Variants in PRKG1 observed in about 807,000 individuals in gnomAD.
PRKG1 encodes the protein cGMP-dependent protein kinase 1.
In PRKG1, 35 loss-of-function variants were observed where a neutral mutation model predicts 88.1. The ratio of observed to expected loss-of-function variants is 0.40; its 90% confidence interval spans 0.30 to 0.53. The LOEUF is 0.53. Ranked by LOEUF, PRKG1 falls within the 20% of genes least tolerant of loss-of-function variation. The pLI is 0.59. For missense variants in PRKG1, 540 were observed against 839.8 expected (o/e 0.64, Z 4.41); for synonymous variants, 303 against 292.5 (o/e 1.04, Z -0.37).
chr10:52,235,579 A>C (rs1840660217), intron 9 of PRKG1, among the ~76,000 whole-genome samples: 1 of 140,970 alleles, frequency 7.1e-6, no homozygotes, highest in Non-Finnish European at 1.5e-5. Context: ...AGGCCATTAC[A>C]TAATGGTAAA....
intron 2 of PRKG1, among the ~76,000 whole-genome samples, chr10:51,314,102 A>C (rs765709710): frequency 1.3e-5 from 2 of 152,192 alleles, no homozygotes; most frequent in Non-Finnish European, 2.9e-5. Context: ...TTTGATTCAG[A>C]AACTTTAATA....
At chr10:51,697,984 G>T in intron 3 of PRKG1, 1 of 1,609,162 alleles carries the variant, frequency 6.2e-7, no homozygotes, top group Non-Finnish European at 8.5e-7. Context: ...CTCCTTGTAT[G>T]CCTGCTCCCT....
intron 3 of PRKG1, among the ~76,000 whole-genome samples, chr10:51,639,260 T>C (rs565141816): frequency 1.3e-5 from 2 of 151,114 alleles, no homozygotes; most frequent in Admixed American, 6.6e-5. Context: ...CGGTGAAACC[T>C]TGTCTCTACT....
chr10:52,113,311 A>G (rs562634071), intron 7 of PRKG1, among the ~76,000 whole-genome samples: 11 of 152,178 alleles, frequency 7.2e-5, no homozygotes, highest in Non-Finnish European at 1.6e-4. Flanking sequence ...GTATCATTGT[A>G]TCTGTCTTAG....
chr10:51,587,705 G>T lies in PRKG1; in HGVS notation c.592+119869G>T, dbSNP rs558587016. Among the ~76,000 whole-genome samples, 4 of 152,250 alleles carry T rather than the reference G, an allele frequency of 2.6e-5. No homozygotes were observed. In the South Asian group the frequency reaches 8.3e-4, roughly 32 times the overall value. On this transcript the variant is annotated intron_variant, in intron 3 of 17. Coordinates refer to ENST00000373980, the MANE Select transcript of PRKG1 (RefSeq NM_006258.4). ...AATCCATTGGCAGCATAGTACAAGA[G>T]AAATGGTTTTGAAGTAAGTTGGCTT...
intron 10 of PRKG1, chr10:52,253,299 A>C (rs1216684435): frequency 6.6e-6 from 1 of 152,026 alleles, no homozygotes; most frequent in African/African-American, 2.4e-5. Context: ...GTGATCTTTG[A>C]AGTTACCAGT....
At chr10:51,459,867 G>A (rs1239075915) in intron 2 of PRKG1, among the ~76,000 whole-genome samples, 1 of 152,102 alleles carries the variant, frequency 6.6e-6, no homozygotes, top group East Asian at 1.9e-4. Flanking sequence ...CAATCTGCTG[G>A]CAACATGATT....
At chr10:51,449,933 C>A (rs183408644) in intron 2 of PRKG1, among the ~76,000 whole-genome samples, 2 of 151,408 alleles carry the variant, frequency 1.3e-5, no homozygotes, top group Admixed American at 6.6e-5. Flanking sequence ...GTTTTTGATG[C>A]GAATCAGTGA....
At chr10:52,124,976 T>A (rs1847899053) in intron 7 of PRKG1, among the ~76,000 whole-genome samples, 1 of 151,988 alleles carries the variant, frequency 6.6e-6, no homozygotes, top group Admixed American at 6.5e-5. Context: ...AACAATGCCT[T>A]TTTCTGGAAT....
chr10:51,552,902 G>T (rs1837177790), intron 3 of PRKG1, among the ~76,000 whole-genome samples: 1 of 151,574 alleles, frequency 6.6e-6, no homozygotes, highest in African/African-American at 2.4e-5. Context: ...GGAAAATACA[G>T]TTTAACTCCA....
At chr10:52,077,352 ATC>A (rs1846655462) in intron 7 of PRKG1, among the ~76,000 whole-genome samples, 1 of 139,044 alleles carries the variant, frequency 7.2e-6, no homozygotes, top group African/African-American at 2.6e-5. Context: ...GTATAATTCT[ATC>A]TATCTAAGAT....
At chr10:52,177,265 A>T (rs777989363) in intron 9 of PRKG1, among the ~76,000 whole-genome samples, 2 of 152,166 alleles carry the variant, frequency 1.3e-5, no homozygotes, top group African/African-American at 2.4e-5. Context: ...TGAGATAATC[A>T]TAAGTTTTTT....
intron 2 of PRKG1, among the ~76,000 whole-genome samples, chr10:51,231,930 T>C (rs1356959886): frequency 6.6e-6 from 1 of 152,182 alleles, no homozygotes; most frequent in Non-Finnish European, 1.5e-5. Flanking sequence ...TTTTATGTCT[T>C]TTTGGTGAGG....
chr10:51,389,356 T>C (rs999399747), intron 2 of PRKG1, among the ~76,000 whole-genome samples: 1 of 152,150 alleles, frequency 6.6e-6, no homozygotes, highest in Non-Finnish European at 1.5e-5. Flanking sequence ...TCAGTCCTGG[T>C]TAGGAAAAGA....
chr10:51,700,694 G>T (rs1841443212), intron 3 of PRKG1, among the ~76,000 whole-genome samples: 1 of 152,144 alleles, frequency 6.6e-6, no homozygotes, highest in South Asian at 2.1e-4. Flanking sequence ...GTCTCGCATA[G>T]CTCCAATTCT....
chr10:51,129,544 GA>G (rs1845513667), intron 1 of PRKG1, among the ~76,000 whole-genome samples: 2 of 152,002 alleles, frequency 1.3e-5, no homozygotes, highest in Admixed American at 1.3e-4. Context: ...CTAATTTGTG[GA>G]CAAAACTTTT....
intron 4 of PRKG1, among the ~76,000 whole-genome samples, chr10:51,846,851 C>T (rs558396815): frequency 5.3e-5 from 8 of 152,022 alleles, no homozygotes; most frequent in Admixed American, 2.0e-4. Context: ...ATTTGATCCT[C>T]GAATGGGAAT....
chr10:51,394,427 T>A (rs1837523725), intron 2 of PRKG1, among the ~76,000 whole-genome samples: 1 of 152,176 alleles, frequency 6.6e-6, no homozygotes, highest in Non-Finnish European at 1.5e-5. Context: ...GAATCAGAAA[T>A]GCCTATCCTT....
At chr10:51,641,872 C>T (rs923163810) in intron 3 of PRKG1, among the ~76,000 whole-genome samples, 7 of 152,078 alleles carry the variant, frequency 4.6e-5, no homozygotes, top group African/African-American at 1.4e-4. Flanking sequence ...AACAACTGAT[C>T]TAGATTGCTC....
Sources: gnomAD v4.1 joint callset for allele counts (sites outside exome capture counted in the v4.1 genomes callset) on GRCh38, gnomAD v4.1.1 for gene constraint, MANE v1.5 for transcripts, NCBI Gene and HGNC (gene_info 2026-07-23, HGNC 2026-07-21) for gene names.